WDR46: variants seen among roughly 807,000 people sequenced by gnomAD.
The protein encoded by WDR46 is WD repeat domain 46, also known as WD repeat-containing protein 46.
In WDR46, 58 loss-of-function variants were observed where a neutral mutation model predicts 74.7. The ratio of observed to expected loss-of-function variants is 0.78; its 90% CI spans 0.63 to 0.97. The LOEUF is 0.97. WDR46 is among the 50% of genes least tolerant of loss of function. WDR46 has a pLI of 0.00. For synonymous variants in WDR46, 278 were observed against 297.3 expected, an observed-to-expected ratio of 0.93 and a Z score of 0.67; for missense variants, 702 against 790.1, an observed-to-expected ratio of 0.89 and a Z score of 1.34.
chr6:33,279,781 C>T lies in WDR46; in HGVS notation c.1603G>A (p.Glu535Lys). 1 of 1,614,118 alleles carries T rather than the reference C, an allele frequency of 6.2e-7. No homozygotes were observed. Among genetic ancestry groups the T allele is most frequent in the East Asian group, 2.2e-5 (1 of 44,876 alleles). The change falls in exon 13 of 15, where the codon GAG (glutamate) becomes AAG (lysine). Residue 535 changes from glutamate to lysine, a missense_variant. Coordinates refer to ENST00000374617, the MANE Select transcript of WDR46 (RefSeq NM_005452.6). ...DVISLEQGKK[E>K]QIERLGYDPQ... ...CTCCATACCAGCCTCTCTATCTGCT[C>T]CTTCTTTCCCTGCTCCAGGGAGATG...
At position 33,288,856 on chromosome 6, in the gene WDR46, G is replaced by C; in HGVS notation, c.227C>G (p.Pro76Arg). 1 of 1,614,072 alleles carries C rather than the reference G, an allele frequency of 6.2e-7. No homozygotes were observed. Among genetic ancestry groups the C allele is most frequent in the Non-Finnish European group, 8.5e-7 (1 of 1,180,024 alleles). ...GTTCTTCCATTCTCGGGGTTTCTTCGGGACCTGAGGCTTCTTAGAGATCCG... is the reference window on the plus strand; with the variant it reads ...GTTCTTCCATTCTCGGGGTTTCTTCCGGACCTGAGGCTTCTTAGAGATCCG... Reference protein sequence around the residue: ...KSRISKKPQVPKKPREWKNPE... With the variant: ...KSRISKKPQVRKKPREWKNPE... Residue 76 changes from proline to arginine, a missense_variant, in exon 2 of 15, where the codon CCG becomes CGG. Transcript: ENST00000374617.
At chr6:33,280,329 T>C (rs1271677078) in intron 12 of WDR46, 99 bp downstream of exon 12, 1 of 1,289,358 alleles carries the variant, frequency 7.8e-7, no homozygotes. Context: ...GAACCTGACC[T>C]TCTCCAGGAA....
intron 10 of WDR46, chr6:33,284,963 A>G (rs1196403759): frequency 6.5e-6 from 1 of 153,568 alleles, no homozygotes; most frequent in African/African-American, 2.4e-5. Context: ...ACACAGTCGT[A>G]AGTGCTTCAC....
intron 12 of WDR46, 139 bp from the exon 13 acceptor site, chr6:33,279,998 A>G: frequency 2.7e-6 from 2 of 741,396 alleles, no homozygotes; most frequent in South Asian, 3.7e-5. Flanking sequence ...TCTACCTCCA[A>G]CCCCAAACCA....
chr6:33,283,758 A>G (rs948809649), intron 10 of WDR46, among the ~76,000 whole-genome samples: 2 of 152,126 alleles, frequency 1.3e-5, no homozygotes, highest in Admixed American at 6.5e-5. Flanking sequence ...AAATTAGCGC[A>G]TGCAGTGGCA....
At position 33,279,592 on chromosome 6, in the gene WDR46, T is replaced by A. The variant is rs1765944140; in HGVS notation, c.1639A>T (p.Lys547Ter). 6.2e-7 allele frequency: 1 copy of A among 1,614,076 alleles called. No individual in the cohort carries two copies. The highest frequency in any genetic ancestry group is 1.3e-5 in the African/African-American group (1 of 74,936). ...TTTGGCTTTGGCTGGAAGGGAGCCT[T>A]AGCCTGCGGGTCATAGCCCTGAGGG... Reference protein sequence around the residue: ...IERLGYDPQAKAPFQPKPKQK... With the variant: ...IERLGYDPQA Residue 547 changes from lysine to a stop codon, truncating the protein, a stop_gained, in exon 14 of 15, where the codon AAG (lysine) becomes TAG (stop). Coordinates refer to ENST00000374617, the MANE Select transcript of WDR46 (RefSeq NM_005452.6). LOFTEE classifies it high-confidence loss of function.
In WDR46 at chr6:33,288,823, G is replaced by C; in HGVS notation, c.260C>G (p.Ser87Cys). Residue 87 changes from serine (S) to cysteine (C), a missense_variant, in exon 2 of 15, where the codon TCC (serine) becomes TGC (cysteine). Physicochemically the swap from Ser to Cys is moderately radical, Grantham distance 112 (BLOSUM62 -1). Transcript: ENST00000374617. ...GCTCACCCCGGACAAGCCGCGCTGG[G>C]ACTCCGGGTTCTTCCATTCTCGGGG... The part of the protein sequence containing the change: ...KKPREWKNPE[S>C]QRGLSGTQDP... 1 of 1,614,108 alleles carries C rather than the reference G, an allele frequency of 6.2e-7. No homozygotes were observed. Among genetic ancestry groups the C allele is most frequent in the Admixed American group, 1.7e-5 (1 of 60,012 alleles).
Position 33,287,175 on chromosome 6 carries a change from CCA to C in WDR46, c.929_930del (p.Val310GlyfsTer77). 1 of 1,613,810 alleles carries C rather than the reference CCA, an allele frequency of 6.2e-7. No individual in the cohort carries two copies. The highest frequency in any genetic ancestry group is 1.1e-5 in the South Asian group (1 of 91,034). On this transcript the variant is annotated frameshift_variant, in exon 9 of 15. Transcript: ENST00000374617. LOFTEE classifies it high-confidence loss of function. ...CGCCCAGCTCGAGCATTCAGAGCTG[CCA>C]CAATCTTCCCCACTGACACATCCAG... The part of the protein sequence containing the change: ...TYLDVSVGKI[V>X]AALNARAGRL...
rs1464246010 is a variant in WDR46 at position 33,280,657 on chromosome 6, TC to T, written c.1429+16del. The T allele has an allele frequency of 4.4e-6, 7 of 1,583,422 alleles. No homozygotes were observed. The highest frequency in any genetic ancestry group is 6.0e-6 in the Non-Finnish European group (7 of 1,161,644). ...CAGAGTTCATTCACTTCAAGCCCCA[TC>T]CCCTGGCCCACTCACCAGGGACCAG... On this transcript the variant is annotated intron_variant, in intron 11 of 14. Transcript: ENST00000374617.
chr6:33,281,121 C>T, intron 10 of WDR46, 134 bp from the exon 11 acceptor site: 1 of 830,068 alleles, frequency 1.2e-6, no homozygotes, highest in South Asian at 1.8e-5. Context: ...ACCCTGAACA[C>T]TCCACAGGCA....
In WDR46 at chr6:33,279,282, C is replaced by T. The variant is rs1470421379; in HGVS notation, c.1827G>A (p.Val609=). 1 of 1,614,212 alleles carries T rather than the reference C, an allele frequency of 6.2e-7. No homozygotes were observed. Among genetic ancestry groups the T allele is most frequent in the African/African-American group, 1.3e-5 (1 of 75,058 alleles). ...GARPSALDRF[V]R is the part of the protein sequence containing the mutation. Reference sequence around the variant, plus strand: ...GGCAACCCTGGAGTCTGGCTCAGCGCACAAATCTGTCCAGGGCAGATGGCC... The same window carrying T: ...GGCAACCCTGGAGTCTGGCTCAGCGTACAAATCTGTCCAGGGCAGATGGCC... Residue 609 remains valine (V), a synonymous_variant, in exon 15 of 15, where the codon GTG becomes GTA. Coordinates refer to ENST00000374617, the MANE Select transcript of WDR46 (RefSeq NM_005452.6).
intron 10 of WDR46, among the ~76,000 whole-genome samples, chr6:33,284,189 G>T (rs1231364076): frequency 6.6e-6 from 1 of 151,238 alleles, no homozygotes. Context: ...GGCAGAGGTT[G>T]TGGTGAGCTG....
chr6:33,287,980 T>TAAACCTAC lies in WDR46; in HGVS notation c.607_608insGTAGGTTT (p.Tyr203CysfsTer26). 6.2e-7 allele frequency: 1 copy of TAAACCTAC among 1,614,126 alleles called. No individual in the cohort carries two copies. Among genetic ancestry groups the TAAACCTAC allele is most frequent in the Non-Finnish European group, 8.5e-7 (1 of 1,180,022 alleles). On this transcript the variant is annotated frameshift_variant, in exon 6 of 15. Transcript: ENST00000374617. LOFTEE classifies it high-confidence loss of function. ...TCAACCTTACCTTCCAGTTCGAGAG[T>TAAACCTAC]AGTTTAGTCTGTAGGGTCCAAACTG...
intron 7 of WDR46, 22 bp downstream of exon 7, chr6:33,287,592 C>G: frequency 2.5e-6 from 4 of 1,613,542 alleles, no homozygotes; most frequent in Non-Finnish European, 3.4e-6. Context: ...CCCAACTGAC[C>G]GCTGACAGTG....
chr6:33,287,812 G>A (rs895647448), intron 6 of WDR46, 94 bp from the exon 7 acceptor site: 3 of 1,533,502 alleles, frequency 2.0e-6, no homozygotes, highest in Non-Finnish European at 2.7e-6. Context: ...ATCTCTCCAG[G>A]CGGGCAGACA....
In WDR46 at chr6:33,287,128, G is replaced by A. The variant is rs1766723888; in HGVS notation, c.978C>T (p.Asn326=). ...CGAGATGGATGACGGCATTGTAAGG[G>A]TTCTGACTCATAACATCGAGCCGCC... ...RAGRLDVMSQ[N]PYNAVIHLGH... The change falls in exon 9 of 15, where the codon AAC becomes AAT. Residue 326 remains asparagine, a synonymous_variant. Coordinates refer to ENST00000374617, the MANE Select transcript of WDR46 (RefSeq NM_005452.6). The A allele has an allele frequency of 6.2e-7, 1 of 1,613,986 alleles. No individual in the cohort carries two copies. Among genetic ancestry groups the A allele is most frequent in the Non-Finnish European group, 8.5e-7 (1 of 1,180,000 alleles).
At chr6:33,285,892 A>G (rs1198283989) in intron 10 of WDR46, among the ~76,000 whole-genome samples, 56 of 146,208 alleles carry the variant, frequency 3.8e-4, no homozygotes, top group Middle Eastern at 3.8e-3. Flanking sequence ...TGTAATCCCA[A>G]CACTTTGGGA....
In WDR46 at chr6:33,279,532, TCAC is replaced by T; in HGVS notation, c.1696_1698del (p.Val566del). 6.2e-7 allele frequency: 1 copy of T among 1,614,050 alleles called. No homozygotes were observed. Among genetic ancestry groups the T allele is most frequent in the Non-Finnish European group, 8.5e-7 (1 of 1,180,042 alleles). On this transcript the variant is annotated inframe_deletion, in exon 14 of 15. Coordinates refer to ENST00000374617, the MANE Select transcript of WDR46 (RefSeq NM_005452.6). Reference sequence around the variant, plus strand: ...TCATCCATGACCTTCCTCTTCCTCTTCACCAGGCTTGCCGTGGAGCTGCGGCCC... The same window carrying T: ...TCATCCATGACCTTCCTCTTCCTCTTCAGGCTTGCCGTGGAGCTGCGGCCC...
chr6:33,284,623 G>A (rs1766462238), intron 10 of WDR46: 1 of 153,708 alleles, frequency 6.5e-6, no homozygotes, highest in Non-Finnish European at 1.5e-5. Flanking sequence ...GTCTACAACA[G>A]CTTATATGAG....
Sources: allele counts gnomAD v4.1 joint callset (sites outside exome capture counted in the v4.1 genomes callset), GRCh38; gene constraint gnomAD v4.1.1; transcripts MANE v1.5; gene names NCBI Gene and HGNC (gene_info 2026-07-23, HGNC 2026-07-21).